Variants in MIER1 observed in about 807,000 individuals in gnomAD.
MIER1 encodes the protein MIER1 transcriptional regulator, also known as mesoderm induction early response protein 1.
A neutral mutation model predicts 75.7 loss-of-function variants in MIER1; 40 were observed. The ratio of observed to expected loss-of-function variants is 0.53; its 90% CI spans 0.41 to 0.69. The LOEUF (loss-of-function observed/expected upper bound fraction) is 0.69. Ranked by LOEUF, MIER1 falls within the 30% of genes least tolerant of loss-of-function variation. The pLI is 0.00. For missense variants in MIER1, 574 were observed against 680.2 expected (o/e 0.84, Z 1.74); for synonymous variants, 213 against 223.4 (o/e 0.95, Z 0.42).
At chr1:66,972,586 A>G (rs1490428305) in intron 10 of MIER1, among the ~76,000 whole-genome samples, 1 of 152,032 alleles carries the variant, frequency 6.6e-6, no homozygotes, top group African/African-American at 2.4e-5. Context: ...GAGAGACACC[A>G]TGCACAAAGT....
At chr1:66,951,031 C>T (rs1022718322) in intron 4 of MIER1, among the ~76,000 whole-genome samples, 1 of 152,164 alleles carries the variant, frequency 6.6e-6, no homozygotes, top group Admixed American at 6.5e-5. Context: ...TGACTAACCT[C>T]CTGATGTGAG....
intron 2 of MIER1, chr1:66,930,328 T>A: frequency 6.3e-7 from 1 of 1,597,286 alleles, no homozygotes; most frequent in South Asian, 1.1e-5. Flanking sequence ...GAGTCTCACA[T>A]CCGGGTTCTG....
rs1279087729 is a variant in MIER1 at position 66,971,662 on chromosome 1, A to G, written c.932A>G (p.Tyr311Cys). 2 of 1,465,990 alleles carry G rather than the reference A, an allele frequency of 1.4e-6. No individual in the cohort carries two copies. The highest frequency in any genetic ancestry group is 1.2e-5 in the South Asian group (1 of 84,096). The allele number at this position is 1,465,990 out of a possible 1,614,324, so 90.8% of individuals were successfully genotyped here. ...SHIKDNEQAL[Y>C]ELVKCNFDTE... is the part of the protein sequence containing the mutation. ...AGCCTTTTATTTTTCTAGGCTTTAT[A>G]TGAATTGGTTAAATGCAATTTTGAT... The change falls in exon 10 of 14, where the codon TAT (tyrosine) becomes TGT (cysteine). Residue 311 changes from tyrosine to cysteine, a missense_variant. By Grantham distance (194) the Tyr-to-Cys change is radical. This residue lies in a region of MIER1 where 101 missense variants were observed against 173.1 expected (regional missense o/e 0.58). Coordinates refer to ENST00000401041, the MANE Select transcript of MIER1 (RefSeq NM_001077700.3).
intron 4 of MIER1, among the ~76,000 whole-genome samples, chr1:66,955,848 G>A (rs1660021568): frequency 6.6e-6 from 1 of 152,048 alleles, no homozygotes; most frequent in Non-Finnish European, 1.5e-5. Context: ...TGATTTTGGG[G>A]TGCAGGATAT....
At chr1:66,983,980 T>A (rs1666407075) in intron 13 of MIER1, among the ~76,000 whole-genome samples, 1 of 152,210 alleles carries the variant, frequency 6.6e-6, no homozygotes, top group Non-Finnish European at 1.5e-5. Context: ...CGCCTTGGCC[T>A]CCCAAAGTGC....
intron 3 of MIER1, among the ~76,000 whole-genome samples, chr1:66,943,058 A>T (rs117947021): frequency 1.3e-5 from 2 of 152,252 alleles, no homozygotes; most frequent in East Asian, 3.9e-4. Flanking sequence ...ATACAAAGGG[A>T]TGGTGTGGGG....
intron 4 of MIER1, 182 bp downstream of exon 4, chr1:66,946,477 TTTA>T (rs1657671047): frequency 7.5e-7 from 1 of 1,326,876 alleles, no homozygotes; most frequent in Non-Finnish European, 9.6e-7. Context: ...AAACAATAAC[TTTA>T]TTATGTGCAA....
intron 8 of MIER1, among the ~76,000 whole-genome samples, chr1:66,964,471 A>C (rs1439835150): frequency 1.0e-5 from 1 of 96,740 alleles, no homozygotes; most frequent in African/African-American, 4.2e-5. Context: ...TTTTTTTTTG[A>C]GATAGAGTTT....
chr1:66,985,381 G>GT lies in MIER1; in HGVS notation c.*484dup. The GT allele has an allele frequency of 1.0e-6, 1 of 984,600 alleles. No homozygotes were observed. Among genetic ancestry groups the GT allele is most frequent in the Non-Finnish European group, 1.2e-6 (1 of 829,086 alleles). 61.0% of individuals were successfully genotyped at this position (984,600 alleles called of 1,614,324 possible). A position where few individuals can be genotyped will look rare whatever the true frequency, so the allele number is the denominator to read the frequency against. ...AAACAGACATTTTTCTCACCAAACA[G>GT]TTTGAGTATCTTTATTAAGGAAACC... On this transcript the variant is annotated 3_prime_UTR_variant, in exon 14 of 14. Coordinates refer to ENST00000401041, the MANE Select transcript of MIER1 (RefSeq NM_001077700.3).
At chr1:66,955,342 T>TTG (rs1248787556) in intron 4 of MIER1, among the ~76,000 whole-genome samples, 11 of 136,634 alleles carry the variant, frequency 8.1e-5, no homozygotes, top group Non-Finnish European at 1.7e-4. Flanking sequence ...CTGAGTTTTT[T>TTG]TTTTTTTTTT....
At chr1:66,958,644 C>T (rs936619689) in intron 5 of MIER1, among the ~76,000 whole-genome samples, 6 of 151,760 alleles carry the variant, frequency 4.0e-5, no homozygotes, top group Non-Finnish European at 5.9e-5. Context: ...TGGTACAGTG[C>T]TATTAACTAA....
intron 4 of MIER1, among the ~76,000 whole-genome samples, chr1:66,951,824 T>G (rs577831209): frequency 6.6e-6 from 1 of 152,182 alleles, no homozygotes; most frequent in Non-Finnish European, 1.5e-5. Context: ...TTATTTCACA[T>G]TGTAACAGGA....
intron 4 of MIER1, among the ~76,000 whole-genome samples, chr1:66,950,654 A>C (rs1658706207): frequency 6.6e-6 from 1 of 152,190 alleles, no homozygotes; most frequent in African/African-American, 2.4e-5. Flanking sequence ...CTAGAGAATA[A>C]TTAAAATGTG....
Position 66,986,372 on chromosome 1 carries a change from A to G in MIER1, c.*1472A>G. On this transcript the variant is annotated 3_prime_UTR_variant, in exon 14 of 14. Coordinates refer to ENST00000401041, the MANE Select transcript of MIER1 (RefSeq NM_001077700.3). ...CCAACCTATATCCAAACTTTTATAA[A>G]ATATTAATTATTCTTGTTTTTCTCA... 5 of 1,601,218 alleles carry G rather than the reference A, an allele frequency of 3.1e-6. No homozygotes were observed. The highest frequency in any genetic ancestry group is 4.3e-6 in the Non-Finnish European group (5 of 1,175,230).
At chr1:66,930,489 G>A (rs891056270) in intron 2 of MIER1, 22 of 1,377,302 alleles carry the variant, frequency 1.6e-5, no homozygotes, top group East Asian at 1.0e-4. Context: ...GGCCAGGAGA[G>A]GCCCGGCCCT....
At chr1:66,962,724 ATTTAAGACCAC>A (rs1661508957) in intron 7 of MIER1, among the ~76,000 whole-genome samples, 1 of 152,158 alleles carries the variant, frequency 6.6e-6, no homozygotes, top group Non-Finnish European at 1.5e-5. Flanking sequence ...TAGGGATCAT[ATTTAAGACCAC>A]TGTCTTAAGT....
At chr1:66,945,501 T>C (rs564884299) in intron 3 of MIER1, among the ~76,000 whole-genome samples, 2 of 152,218 alleles carry the variant, frequency 1.3e-5, no homozygotes, top group East Asian at 3.9e-4. Context: ...CATGGAGGGC[T>C]GACTCACAGT....
At chr1:66,945,318 A>ATATATATATAT (rs1558042276) in intron 3 of MIER1, among the ~76,000 whole-genome samples, 2 of 134,776 alleles carry the variant, frequency 1.5e-5, no homozygotes, top group Non-Finnish European at 3.3e-5. Flanking sequence ...TATATATATA[A>ATATATATATAT]AATACCTAAT....
At chr1:66,927,053 T>C (rs572873967) in intron 2 of MIER1, among the ~76,000 whole-genome samples, 2 of 152,304 alleles carry the variant, frequency 1.3e-5, no homozygotes, top group Admixed American at 1.3e-4. Flanking sequence ...GAAGTAAGAT[T>C]GTGCTCCTAA....
Sources: gnomAD v4.1 joint callset for allele counts (sites outside exome capture counted in the v4.1 genomes callset) on GRCh38, gnomAD v4.1.1 for gene constraint, gnomAD v4.1.1 regional missense constraint, MANE v1.5 for transcripts, NCBI Gene and HGNC (gene_info 2026-07-23, HGNC 2026-07-21) for gene names.